ST18: variants seen among roughly 807,000 people sequenced by gnomAD.
ST18 encodes the protein ST18 C2H2C-type zinc finger transcription factor.
ST18 carries 50 observed loss-of-function variants against 110.0 expected under a neutral mutation model. The ratio of observed to expected loss-of-function variants is 0.45; its 90% CI spans 0.36 to 0.58. ST18 has a LOEUF of 0.58. Among genes scored for constraint, ST18 ranks in the 20% least tolerant of loss-of-function variants. The probability of loss-of-function intolerance (pLI) is 0.00; values close to 1 mark genes in which losing one functional copy is unlikely to be tolerated. For synonymous variants in ST18, 461 were observed against 452.4 expected, an observed-to-expected ratio of 1.02 and a Z score of -0.24; for missense variants, 1,306 against 1,280.1, an observed-to-expected ratio of 1.02 and a Z score of -0.31.
intron 2 of ST18, among the ~76,000 whole-genome samples, chr8:52,291,129 C>T (rs145548889): frequency 1.1e-4 from 17 of 152,212 alleles, no homozygotes; most frequent in African/African-American, 3.9e-4. Flanking sequence ...CTTTTCCCAC[C>T]ACAGTATGAG....
At chr8:52,207,400 G>A (rs1450654058) in intron 8 of ST18, among the ~76,000 whole-genome samples, 1 of 152,220 alleles carries the variant, frequency 6.6e-6, no homozygotes, top group African/African-American at 2.4e-5. Context: ...GCTGAGGTCG[G>A]AGGATTGCCT....
At chr8:52,175,470 G>A (rs1298797468) in intron 9 of ST18, among the ~76,000 whole-genome samples, 1 of 152,180 alleles carries the variant, frequency 6.6e-6, no homozygotes. Context: ...GCGATGTGGA[G>A]GAAGAAACCT....
chr8:52,283,710 C>T (rs1273256548), intron 2 of ST18, among the ~76,000 whole-genome samples: 1 of 152,074 alleles, frequency 6.6e-6, no homozygotes, highest in Non-Finnish European at 1.5e-5. Context: ...TTGCATGGAG[C>T]AGTGGCCTTT....
intron 2 of ST18, among the ~76,000 whole-genome samples, chr8:52,309,584 T>TA (rs145471337): frequency 0.053 from 7,910 of 147,984 alleles, 400 homozygotes; most frequent in African/African-American, 0.12. Context: ...ATATGAGTAT[T>TA]TTTTTTTATG....
At chr8:52,133,788 T>C (rs1391232196) in intron 19 of ST18, among the ~76,000 whole-genome samples, 2 of 151,854 alleles carry the variant, frequency 1.3e-5, no homozygotes, top group Non-Finnish European at 2.9e-5. Context: ...TGGAGTGCAA[T>C]GCTGCGATCT....
chr8:52,349,009 C>T (rs1035873661), intron 2 of ST18, among the ~76,000 whole-genome samples: 1 of 152,124 alleles, frequency 6.6e-6, no homozygotes, highest in African/African-American at 2.4e-5. Flanking sequence ...TGCCCAACCC[C>T]CACGCCCCAA....
At chr8:52,296,186 GA>G (rs1355222548) in intron 2 of ST18, among the ~76,000 whole-genome samples, 1 of 152,118 alleles carries the variant, frequency 6.6e-6, no homozygotes, top group Non-Finnish European at 1.5e-5. Context: ...ATTTGATAAA[GA>G]AAAACTAGTG....
intron 22 of ST18, among the ~76,000 whole-genome samples, chr8:52,130,119 A>AAAGAAAAGAAAGAAAGAAAGAAAG (rs67888949): frequency 1.1e-3 from 115 of 105,224 alleles, no homozygotes; most frequent in East Asian, 3.7e-3. Flanking sequence ...AGAAAGAAAG[A>AAAGAAAAGAAAGAAAGAAAGAAAG]AAAGAAAGAA....
chr8:52,344,626 C>T (rs1341066156), intron 2 of ST18, among the ~76,000 whole-genome samples: 5 of 152,120 alleles, frequency 3.3e-5, no homozygotes, highest in Non-Finnish European at 5.9e-5. Context: ...GTCACGAACC[C>T]CTGACCTCAG....
intron 2 of ST18, among the ~76,000 whole-genome samples, chr8:52,356,819 A>G (rs1478006053): frequency 6.6e-6 from 1 of 152,212 alleles, no homozygotes; most frequent in African/African-American, 2.4e-5. Flanking sequence ...GAAATTCTGG[A>G]GTTGAAAACC....
chr8:52,149,651 A>G, intron 16 of ST18, 81 bp downstream of exon 16: 2 of 1,512,446 alleles, frequency 1.3e-6, no homozygotes, highest in Non-Finnish European at 1.8e-6. Context: ...GGAATGTGAA[A>G]TATAATTTAG....
intron 2 of ST18, among the ~76,000 whole-genome samples, chr8:52,402,295 T>C (rs983095738): frequency 3.3e-5 from 5 of 152,188 alleles, no homozygotes; most frequent in Non-Finnish European, 7.3e-5. Context: ...TTGGAATGGC[T>C]GTAGAACTGG....
intron 23 of ST18, among the ~76,000 whole-genome samples, chr8:52,123,148 A>G (rs1424151120): frequency 2.0e-5 from 3 of 152,204 alleles, no homozygotes; most frequent in Non-Finnish European, 4.4e-5. Flanking sequence ...AGGATGGAGA[A>G]CTAAAGATCA....
intron 2 of ST18, among the ~76,000 whole-genome samples, chr8:52,322,889 T>A (rs555568136): frequency 2.0e-5 from 3 of 152,212 alleles, no homozygotes; most frequent in Non-Finnish European, 4.4e-5. Flanking sequence ...GGTGTGTTAT[T>A]GAACACTTTG....
At chr8:52,320,342 A>T (rs1225065205) in intron 2 of ST18, among the ~76,000 whole-genome samples, 2 of 152,176 alleles carry the variant, frequency 1.3e-5, no homozygotes, top group African/African-American at 2.4e-5. Context: ...GAGGGCAGAC[A>T]TGGAAAGGAG....
rs1036212614 is a variant in ST18, at chr8:52,258,130, A to C, written c.-464-28053T>G. ...CTAGACTCTCAATTCTATTTCATTGATGTACATATTTATCTTTATGCCAGT... is the reference window on the plus strand; with the variant it reads ...CTAGACTCTCAATTCTATTTCATTGCTGTACATATTTATCTTTATGCCAGT... On this transcript the variant is annotated intron_variant, in intron 2 of 25. Coordinates refer to ENST00000689386, the MANE Select transcript of ST18 (RefSeq NM_001352837.2). Among the ~76,000 whole-genome samples, 3 of 152,164 alleles carry C rather than the reference A, an allele frequency of 2.0e-5. No individual in the cohort carries two copies. The East Asian group carries it at 5.8e-4, about 29-fold the overall frequency.
At chr8:52,273,486 T>C (rs2095142417) in intron 2 of ST18, among the ~76,000 whole-genome samples, 1 of 152,210 alleles carries the variant, frequency 6.6e-6, no homozygotes, top group Admixed American at 6.5e-5. Context: ...AGCACAATAG[T>C]ACGGGTTAAC....
chr8:52,122,699 G>A (rs974963130), intron 23 of ST18, among the ~76,000 whole-genome samples: 1 of 151,970 alleles, frequency 6.6e-6, no homozygotes, highest in African/African-American at 2.4e-5. Context: ...ATGTTGGCCA[G>A]GCTAGTCTTG....
chr8:52,288,516 A>T (rs548976363), intron 2 of ST18, among the ~76,000 whole-genome samples: 75 of 152,108 alleles, frequency 4.9e-4, no homozygotes, highest in African/African-American at 1.8e-3. Context: ...CTTGGCCAAC[A>T]GGGTGAAATC....
Sources: allele counts gnomAD v4.1 joint callset (sites outside exome capture counted in the v4.1 genomes callset), GRCh38; gene constraint gnomAD v4.1.1; transcripts MANE v1.5; gene names NCBI Gene and HGNC (gene_info 2026-07-23, HGNC 2026-07-21).